The following ERVV-1 variants were observed in gnomAD, a reference collection of about 807,000 sequenced individuals.
ERVV-1 encodes the protein endogenous retrovirus group V member 1 Env polyprotein.
For missense variants in ERVV-1, 150 were observed against 456.5 expected (o/e 0.33, Z 6.12); for synonymous variants, 59 against 170.2 (o/e 0.35, Z 5.09).
Position 53,015,678 on chromosome 19 carries a change from A to G in ERVV-1, c.*154A>G, listed in dbSNP as rs763766738. On this transcript the variant is annotated 3_prime_UTR_variant, in exon 1 of 1. Coordinates refer to ENST00000602168, the MANE Select transcript of ERVV-1 (RefSeq NM_152473.3). ...GTGGGCAAAGATTCTGCAACTACGG[A>G]GGGGCTCCTTCCCTGACAGAGAGCA... 2.8e-5 allele frequency: 16 copies of G among 571,530 alleles called. No homozygotes were observed. The highest frequency in any genetic ancestry group is 4.6e-5 in the Non-Finnish European group (15 of 326,006). 35.4% of individuals were successfully genotyped at this position (571,530 alleles called of 1,614,324 possible).
chr19:53,015,854 G>T lies in ERVV-1; in HGVS notation c.*330G>T. The stretch of plus-strand genomic sequence containing the variant: ...TAGGCAGGTAGCCAGACAAGAGCAG[G>T]CAAGGAAGCCCCTGGGAAAGGAATC... On this transcript the variant is annotated 3_prime_UTR_variant, in exon 1 of 1. Coordinates refer to ENST00000602168, the MANE Select transcript of ERVV-1 (RefSeq NM_152473.3). 4.4e-6 allele frequency: 1 copy of T among 229,222 alleles called. No homozygotes were observed. The highest frequency in any genetic ancestry group is 8.2e-6 in the Non-Finnish European group (1 of 121,560). The allele number at this position is 229,222 out of a possible 1,614,324, so 14.2% of individuals were successfully genotyped here. A position where few individuals can be genotyped will look rare whatever the true frequency, so the allele number is the denominator to read the frequency against.
rs149606721 is a variant in ERVV-1 at position 53,015,511 on chromosome 19, C to T, written c.1421C>T (p.Pro474Leu). 7.4e-5 allele frequency: 49 copies of T among 658,770 alleles called. No homozygotes were observed. The highest frequency in any genetic ancestry group is 7.4e-4 in the African/African-American group (41 of 55,402). 40.8% of individuals were successfully genotyped at this position (658,770 alleles called of 1,614,324 possible). ...AATAGCCTGCTTTCTCCTCTTTGGC[C>T]CTTGTCTCTATAATTCACTAATTAA... ...ALNSLLSPLWPLSL is the reference protein window; with the variant it reads ...ALNSLLSPLWLLSL Residue 474 changes from proline (P) to leucine (L), a missense_variant, in exon 1 of 1, where the codon CCC becomes CTC. Physicochemically the swap from Pro to Leu is moderately conservative, Grantham distance 98 (BLOSUM62 -3). Coordinates refer to ENST00000602168, the MANE Select transcript of ERVV-1 (RefSeq NM_152473.3).
rs764074589 is a variant in ERVV-1 at position 53,015,182 on chromosome 19, A to T, written c.1092A>T (p.Arg364Ser). 2.7e-6 allele frequency: 2 copies of T among 753,600 alleles called. No individual in the cohort carries two copies. Among genetic ancestry groups the T allele is most frequent in the South Asian group, 3.0e-5 (2 of 67,696 alleles). 46.7% of individuals were successfully genotyped at this position (753,600 alleles called of 1,614,324 possible). The change falls in exon 1 of 1, where the codon AGA (arginine) becomes AGT (serine). Residue 364 changes from arginine (R) to serine (S), a missense_variant. By Grantham distance (110) the Arg-to-Ser change is moderately radical. Transcript: ENST00000602168. ...RQIDNIAKST[R>S]DSISKLKASI... Reference sequence around the variant, plus strand: ...TAGACAACATAGCTAAGAGTACCAGAGATAGCATCTCTAAACTCAAGGCCT... The same window carrying T: ...TAGACAACATAGCTAAGAGTACCAGTGATAGCATCTCTAAACTCAAGGCCT...
rs1568456930 is a variant in ERVV-1 at position 53,015,527 on chromosome 19, C to T, written c.*3C>T. ...CTCTTTGGCCCTTGTCTCTATAATTCACTAATTAAATATGTCTCTTCCAGG... is the reference window on the plus strand; with the variant it reads ...CTCTTTGGCCCTTGTCTCTATAATTTACTAATTAAATATGTCTCTTCCAGG... On this transcript the variant is annotated 3_prime_UTR_variant, in exon 1 of 1. Coordinates refer to ENST00000602168, the MANE Select transcript of ERVV-1 (RefSeq NM_152473.3). 1.6e-6 allele frequency: 1 copy of T among 634,058 alleles called. No individual in the cohort carries two copies. Among genetic ancestry groups the T allele is most frequent in the African/African-American group, 1.8e-5 (1 of 54,462 alleles). 39.3% of individuals were successfully genotyped at this position (634,058 alleles called of 1,614,324 possible).
Position 53,015,062 on chromosome 19 carries a change from A to C in ERVV-1, c.972A>C (p.Leu324=). Residue 324 remains leucine (L), a synonymous_variant, in exon 1 of 1, where the codon CTA becomes CTC. Transcript: ENST00000602168. ...TQPRQKRALG[L]ILAGMGAAIG... ...CCAGACAGAAAAGAGCTCTGGGTCTAATACTGGCAGGGATGGGTGCGGCCA... is the reference window on the plus strand; with the variant it reads ...CCAGACAGAAAAGAGCTCTGGGTCTCATACTGGCAGGGATGGGTGCGGCCA... 1.4e-6 allele frequency: 2 copies of C among 1,390,526 alleles called. No homozygotes were observed. The highest frequency in any genetic ancestry group is 1.2e-5 in the South Asian group (1 of 80,798). 86.1% of individuals were successfully genotyped at this position (1,390,526 alleles called of 1,614,324 possible).
At chr19:53,015,377 G>A in the ERVV-1 span, 1 of 703,884 alleles carries the variant, frequency 1.4e-6, no homozygotes, top group Non-Finnish European at 2.6e-6. Flanking sequence ...AGGTTACGTG[G>A]CTCCATAACT....
At position 53,015,382 on chromosome 19, in the gene ERVV-1, A is replaced by G; in HGVS notation, c.1292A>G (p.His431Arg). The G allele has an allele frequency of 2.8e-6, 2 of 703,724 alleles. No individual in the cohort carries two copies. Among genetic ancestry groups the G allele is most frequent in the Admixed American group, 2.0e-5 (1 of 50,018 alleles). 43.6% of individuals were successfully genotyped at this position (703,724 alleles called of 1,614,324 possible). A position where few individuals can be genotyped will look rare whatever the true frequency, so the allele number is the denominator to read the frequency against. Residue 431 changes from histidine (H) to arginine (R), a missense_variant, in exon 1 of 1, where the codon CAT becomes CGT. Transcript: ENST00000602168. The part of the protein sequence containing the change: ...KKIYDEVTWL[H>R]NFGKGDSAGS... Reference sequence around the variant, plus strand: ...ATCTATGATGAGGTTACGTGGCTCCATAACTTTGGAAAAGGTGATTCAGCA... The same window carrying G: ...ATCTATGATGAGGTTACGTGGCTCCGTAACTTTGGAAAAGGTGATTCAGCA...
rs1216207485 is a variant in ERVV-1, at chr19:53,015,358, T to A, written c.1268T>A (p.Ile423Asn). 2 of 704,514 alleles carry A rather than the reference T, an allele frequency of 2.8e-6. No individual in the cohort carries two copies. Among genetic ancestry groups the A allele is most frequent in the African/African-American group, 3.5e-5 (2 of 57,228 alleles). The allele number at this position is 704,514 out of a possible 1,614,324, so 43.6% of individuals were successfully genotyped here. Residue 423 changes from isoleucine to asparagine, a missense_variant, in exon 1 of 1, where the codon ATC becomes AAC. Physicochemically the swap from Ile to Asn is moderately radical, Grantham distance 149. Transcript: ENST00000602168. The part of the protein sequence containing the change: ...SGAIEEDIKK[I>N]YDEVTWLHNF... Reference sequence around the variant, plus strand: ...GCGATAGAGGAGGATATAAAAAAGATCTATGATGAGGTTACGTGGCTCCAT... The same window carrying A: ...GCGATAGAGGAGGATATAAAAAAGAACTATGATGAGGTTACGTGGCTCCAT...
rs967939912 is a variant in ERVV-1, at chr19:53,015,561, A to G, written c.*37A>G. 1 of 614,124 alleles carries G rather than the reference A, an allele frequency of 1.6e-6. No individual in the cohort carries two copies. Among genetic ancestry groups the G allele is most frequent in the Non-Finnish European group, 2.9e-6 (1 of 345,214 alleles). The allele number at this position is 614,124 out of a possible 1,614,324, so 38.0% of individuals were successfully genotyped here. On this transcript the variant is annotated 3_prime_UTR_variant, in exon 1 of 1. Transcript: ENST00000602168. Reference sequence around the variant, plus strand: ...AATATGTCTCTTCCAGGATATGGCAATTTCACACAGAGCCCCTAAAAATGG... The same window carrying G: ...AATATGTCTCTTCCAGGATATGGCAGTTTCACACAGAGCCCCTAAAAATGG...
In ERVV-1 at chr19:53,015,183, G is replaced by C. The variant is rs1335712330; in HGVS notation, c.1093G>C (p.Asp365His). The change falls in exon 1 of 1, where the codon GAT (aspartate) becomes CAT (histidine). Residue 365 changes from aspartate (D) to histidine (H), a missense_variant. Asp to His is a moderately conservative substitution (Grantham distance 81). Transcript: ENST00000602168. ...AGACAACATAGCTAAGAGTACCAGA[G>C]ATAGCATCTCTAAACTCAAGGCCTC... is the stretch of plus-strand genomic sequence containing the variant. ...QIDNIAKSTR[D>H]SISKLKASID... 2.6e-6 allele frequency: 2 copies of C among 755,548 alleles called. No individual in the cohort carries two copies. Among genetic ancestry groups the C allele is most frequent in the African/African-American group, 3.5e-5 (2 of 57,676 alleles). 46.8% of individuals were successfully genotyped at this position (755,548 alleles called of 1,614,324 possible).
In ERVV-1 at chr19:53,015,868, G is replaced by T. The variant is rs7250967; in HGVS notation, c.*344G>T. The T allele has an allele frequency of 4.7e-6, 1 of 210,930 alleles. No homozygotes were observed. Among genetic ancestry groups the T allele is most frequent in the African/African-American group, 2.3e-5 (1 of 42,952 alleles). 13.1% of individuals were successfully genotyped at this position (210,930 alleles called of 1,614,324 possible). On this transcript the variant is annotated 3_prime_UTR_variant, in exon 1 of 1. Coordinates refer to ENST00000602168, the MANE Select transcript of ERVV-1 (RefSeq NM_152473.3). The stretch of plus-strand genomic sequence containing the variant: ...GACAAGAGCAGGCAAGGAAGCCCCT[G>T]GGAAAGGAATCTTTAGAAATGCAGC...
rs1211355082 is a variant in ERVV-1 at position 53,015,474 on chromosome 19, C to A, written c.1384C>A (p.Pro462Thr). The change falls in exon 1 of 1, where the codon CCA becomes ACA. Residue 462 changes from proline to threonine, a missense_variant. Pro to Thr is a conservative substitution (Grantham distance 38). Coordinates refer to ENST00000602168, the MANE Select transcript of ERVV-1 (RefSeq NM_152473.3). The part of the protein sequence containing the change: ...SLTWFVPLLG[P>T]AALNSLLSPL... The stretch of plus-strand genomic sequence containing the variant: ...CACATGGTTTGTCCCTTTACTGGGA[C>A]CAGCTGCACTTAATAGCCTGCTTTC... 4.3e-6 allele frequency: 3 copies of A among 694,030 alleles called. No individual in the cohort carries two copies. Among genetic ancestry groups the A allele is most frequent in the Non-Finnish European group, 2.6e-6 (1 of 381,312 alleles). The allele number at this position is 694,030 out of a possible 1,614,324, so 43.0% of individuals were successfully genotyped here.
Position 53,015,409 on chromosome 19 carries a change from G to A in ERVV-1, c.1319G>A (p.Gly440Glu). 1 of 703,174 alleles carries A rather than the reference G, an allele frequency of 1.4e-6. No homozygotes were observed. Among genetic ancestry groups the A allele is most frequent in the Admixed American group, 2.0e-5 (1 of 49,998 alleles). The allele number at this position is 703,174 out of a possible 1,614,324, so 43.6% of individuals were successfully genotyped here. The stretch of plus-strand genomic sequence containing the variant: ...AACTTTGGAAAAGGTGATTCAGCAG[G>A]GTCCATTTGGGAGGCTGTGAAGTCT... The part of the protein sequence containing the change: ...LHNFGKGDSA[G>E]SIWEAVKSAL... The change falls in exon 1 of 1, where the codon GGG (glycine) becomes GAG (glutamate). Residue 440 changes from glycine to glutamate, a missense_variant. Coordinates refer to ENST00000602168, the MANE Select transcript of ERVV-1 (RefSeq NM_152473.3).
At position 53,014,926 on chromosome 19, in the gene ERVV-1, C is replaced by T. The variant is rs1568456684; in HGVS notation, c.836C>T (p.Pro279Leu). ...CCTAAGATAACTTATTCAACCCCCC[C>T]TGTGGCAAACCTCTACACTTGCATT... ...GSPKITYSTP[P>L]VANLYTCINN... The change falls in exon 1 of 1, where the codon CCT (proline) becomes CTT (leucine). Residue 279 changes from proline to leucine, a missense_variant. By Grantham distance (98) the Pro-to-Leu change is moderately conservative. Transcript: ENST00000602168. 5 of 1,535,772 alleles carry T rather than the reference C, an allele frequency of 3.3e-6. No homozygotes were observed. The highest frequency in any genetic ancestry group is 3.5e-6 in the Non-Finnish European group (4 of 1,146,754).
rs934181931 is a variant in ERVV-1 at position 53,015,923 on chromosome 19, C to G, written c.*399C>G. 1 of 174,006 alleles carries G rather than the reference C, an allele frequency of 5.7e-6. No homozygotes were observed. The highest frequency in any genetic ancestry group is 6.0e-5 in the Admixed American group (1 of 16,788). 10.8% of individuals were successfully genotyped at this position (174,006 alleles called of 1,614,324 possible). ...TGATGGCCTCCTTGGAAACGCTGCA[C>G]GCTGAGTCAGCAAAAGGAGGAGCGT... On this transcript the variant is annotated 3_prime_UTR_variant, in exon 1 of 1. Transcript: ENST00000602168.
rs1224694730 is a variant in ERVV-1, at chr19:53,015,277, G to A, written c.1187G>A (p.Gly396Asp). ...TTAGATTACCTCTTAGCAGAGCAGG[G>A]TGGAGTCTGTGCAGTGATCAGTAAA... Reference protein sequence around the residue: ...LALDYLLAEQGGVCAVISKSC... With the variant: ...LALDYLLAEQDGVCAVISKSC... The change falls in exon 1 of 1, where the codon GGT (glycine) becomes GAT (aspartate). Residue 396 changes from glycine (G) to aspartate (D), a missense_variant. Coordinates refer to ENST00000602168, the MANE Select transcript of ERVV-1 (RefSeq NM_152473.3). 4.2e-6 allele frequency: 3 copies of A among 719,922 alleles called. No individual in the cohort carries two copies. In the Admixed American group the frequency reaches 6.0e-5, roughly 14 times the overall value. The allele number at this position is 719,922 out of a possible 1,614,324, so 44.6% of individuals were successfully genotyped here. A position where few individuals can be genotyped will look rare whatever the true frequency, so the allele number is the denominator to read the frequency against.
Position 53,013,946 on chromosome 19 carries a change from A to C in ERVV-1, c.-145A>C. 1 of 1,282,054 alleles carries C rather than the reference A, an allele frequency of 7.8e-7. No individual in the cohort carries two copies. Among genetic ancestry groups the C allele is most frequent in the South Asian group, 1.4e-5 (1 of 70,038 alleles). 79.4% of individuals were successfully genotyped at this position (1,282,054 alleles called of 1,614,324 possible). ...TGCGGTGGCATCGGTTCTTCTCCTTATTTTGACCCACACTGGCATGCCACC... is the reference window on the plus strand; with the variant it reads ...TGCGGTGGCATCGGTTCTTCTCCTTCTTTTGACCCACACTGGCATGCCACC... On this transcript the variant is annotated 5_prime_UTR_variant, in exon 1 of 1. Transcript: ENST00000602168.
At position 53,015,452 on chromosome 19, in the gene ERVV-1, A is replaced by C. The variant is rs1272424366; in HGVS notation, c.1362A>C (p.Thr454=). Residue 454 remains threonine (T), a synonymous_variant, in exon 1 of 1, where the codon ACA becomes ACC. Coordinates refer to ENST00000602168, the MANE Select transcript of ERVV-1 (RefSeq NM_152473.3). The stretch of plus-strand genomic sequence containing the variant: ...TGAAGTCTGCCCTCCCCTCCCTCAC[A>C]TGGTTTGTCCCTTTACTGGGACCAG... ...EAVKSALPSL[T]WFVPLLGPAA... 13 of 701,460 alleles carry C rather than the reference A, an allele frequency of 1.9e-5. No homozygotes were observed. The highest frequency in any genetic ancestry group is 2.3e-4 in the Middle Eastern group (1 of 4,376). The allele number at this position is 701,460 out of a possible 1,614,324, so 43.5% of individuals were successfully genotyped here.
Position 53,015,334 on chromosome 19 carries a change from C to T in ERVV-1, c.1244C>T (p.Ala415Val), listed in dbSNP as rs779900525. 70 of 705,038 alleles carry T rather than the reference C, an allele frequency of 9.9e-5. No individual in the cohort carries two copies. The highest frequency in any genetic ancestry group is 3.3e-4 in the African/African-American group (19 of 57,136). 43.7% of individuals were successfully genotyped at this position (705,038 alleles called of 1,614,324 possible). The change falls in exon 1 of 1, where the codon GCG becomes GTG. Residue 415 changes from alanine to valine, a missense_variant. Transcript: ENST00000602168. ...TGCATTTATGTCAATAACAGTGGGG[C>T]GATAGAGGAGGATATAAAAAAGATC... is the stretch of plus-strand genomic sequence containing the variant. ...SCCIYVNNSGAIEEDIKKIYD... is the reference protein window; with the variant it reads ...SCCIYVNNSGVIEEDIKKIYD...
Sources: gnomAD v4.1 joint callset for allele counts on GRCh38, gnomAD v4.1.1 for gene constraint, MANE v1.5 for transcripts, NCBI Gene and HGNC (gene_info 2026-07-23, HGNC 2026-07-21) for gene names.